SFR1: variants seen among roughly 807,000 people sequenced by gnomAD.
SFR1 encodes swi5-dependent recombination DNA repair protein 1 homolog.
A neutral mutation model predicts 26.2 loss-of-function variants in SFR1; 24 were observed. The ratio of observed to expected loss-of-function variants is 0.92; its 90% CI spans 0.66 to 1.29. The LOEUF (loss-of-function observed/expected upper bound fraction) is 1.29. Ranked by LOEUF, SFR1 falls within the 50% of genes most tolerant of loss-of-function variation. The pLI is 0.00. For synonymous variants in SFR1, 77 were observed against 96.6 expected, an observed-to-expected ratio of 0.80 and a Z score of 1.19; for missense variants, 276 against 270.2, an observed-to-expected ratio of 1.02 and a Z score of -0.15.
chr10:104,122,402 T>A, intron 1 of SFR1: 3 of 985,394 alleles, frequency 3.0e-6, no homozygotes, highest in Non-Finnish European at 3.6e-6. Flanking sequence ...AGTTAATGCC[T>A]TTGTCGGAGG....
At chr10:104,120,905 G>A (rs1447019064), upstream of SFR1, among the ~76,000 whole-genome samples, 4 of 152,158 alleles carry the variant, frequency 2.6e-5, no homozygotes. Context: ...ACTACTGTCA[G>A]ATGTTATTAA....
chr10:104,123,528 A>G (rs2086990825), intron 2 of SFR1, among the ~76,000 whole-genome samples, 186 bp from the exon 3 acceptor site: 1 of 152,116 alleles, frequency 6.6e-6, no homozygotes, highest in South Asian at 2.1e-4. Flanking sequence ...CTGAAGTAAA[A>G]AGGAAATAAA....
intron 1 of SFR1, 163 bp downstream of exon 1, chr10:104,122,359 G>T: frequency 2.0e-6 from 2 of 985,334 alleles, no homozygotes; most frequent in Non-Finnish European, 2.4e-6. Context: ...GGGGAAGGAG[G>T]GGACGACTCC....
upstream of SFR1, chr10:104,122,048 C>T (rs1367635289): frequency 5.5e-6 from 6 of 1,094,674 alleles, no homozygotes; most frequent in Non-Finnish European, 8.0e-6. Context: ...CGCTCTGAGT[C>T]GCTGAGTGAA....
At chr10:104,122,033 C>T (rs1589591443), upstream of SFR1, 2 of 925,256 alleles carry the variant, frequency 2.2e-6, no homozygotes, top group East Asian at 5.9e-5. Flanking sequence ...CGCGCGCAGT[C>T]CCACCGCTCT....
At chr10:104,123,637 A>C (rs1338777) in intron 2 of SFR1, 77 bp from the exon 3 acceptor site, 412,818 of 1,170,726 alleles carry the variant, frequency 0.35, 77,389 homozygotes, top group African/African-American at 0.69. Flanking sequence ...AAATGGAAGG[A>C]CTTTATTTCT....
At position 104,122,309 on chromosome 10, in the gene SFR1, G is replaced by A. The variant is rs947024427; in HGVS notation, c.13+113G>A. On this transcript the variant is annotated intron_variant, in intron 1 of 3. Transcript: ENST00000369727. ...TCTGGGGAACTCAACCTCACCTTATGCCTGGGGTCTCCGGGGAACTAGTGG... is the reference window on the plus strand; with the variant it reads ...TCTGGGGAACTCAACCTCACCTTATACCTGGGGTCTCCGGGGAACTAGTGG... The A allele has an allele frequency of 2.1e-5, 30 of 1,411,948 alleles. 1 individual carries two copies. In the Admixed American group the frequency reaches 9.4e-4, roughly 44 times the overall value. The allele number at this position is 1,411,948 out of a possible 1,614,324, so 87.5% of individuals were successfully genotyped here. A position where few individuals can be genotyped will look rare whatever the true frequency, so the allele number is the denominator to read the frequency against.
intron 3 of SFR1, 35 bp from the exon 4 acceptor site, chr10:104,125,478 A>G: frequency 3.9e-6 from 6 of 1,525,612 alleles, no homozygotes; most frequent in African/African-American, 1.4e-5. Flanking sequence ...TAGCATGACT[A>G]GTTATTGACA....
rs1364717375 is a variant in SFR1, at chr10:104,126,194, T to C, written c.*490T>C. ...TCATTTGGGCAGTTCTGGAAACTAG[T>C]TTTAATACATTTGTTTTTTATGACA... On this transcript the variant is annotated 3_prime_UTR_variant, in exon 4 of 4. Coordinates refer to ENST00000369727, the MANE Select transcript of SFR1 (RefSeq NM_001002759.2). 1 of 152,696 alleles carries C rather than the reference T, an allele frequency of 6.5e-6. No homozygotes were observed. Among genetic ancestry groups the C allele is most frequent in the East Asian group, 1.9e-4 (1 of 5,208 alleles). The allele number at this position is 152,696 out of a possible 1,614,324, so 9.5% of individuals were successfully genotyped here.
chr10:104,122,658 A>G, intron 1 of SFR1: 8 of 1,335,702 alleles, frequency 6.0e-6, no homozygotes, highest in Non-Finnish European at 7.7e-6. Flanking sequence ...GATTATCTAA[A>G]GCTGTTATTC....
chr10:104,123,163 G>T, intron 2 of SFR1, 77 bp downstream of exon 2: 1 of 1,161,292 alleles, frequency 8.6e-7, no homozygotes, highest in Non-Finnish European at 1.2e-6. Context: ...TAAATTCTAC[G>T]GAAGGTTGTT....
upstream of SFR1, among the ~76,000 whole-genome samples, chr10:104,120,794 T>G (rs960011371): frequency 5.3e-5 from 8 of 152,152 alleles, no homozygotes; most frequent in African/African-American, 1.9e-4. Context: ...GACTGTAACG[T>G]GTACGCCCCT....
chr10:104,122,012 T>C (rs2086967419), upstream of SFR1: 1 of 674,452 alleles, frequency 1.5e-6, no homozygotes, highest in South Asian at 1.7e-5. Context: ...AACCACCCGC[T>C]GGCGGAGGCG....
upstream of SFR1, chr10:104,121,915 G>A (rs2086966254): frequency 2.1e-6 from 1 of 478,774 alleles, no homozygotes; most frequent in Non-Finnish European, 3.7e-6. Flanking sequence ...GCTGCTCTCG[G>A]GCGCTGGGCG....
At chr10:104,121,189 A>G (rs753515612), upstream of SFR1, among the ~76,000 whole-genome samples, 6 of 151,870 alleles carry the variant, frequency 4.0e-5, no homozygotes, top group Admixed American at 6.6e-5. Context: ...TGAATTTTGG[A>G]CCGACACAAT....
intron 2 of SFR1, 80 bp from the exon 3 acceptor site, chr10:104,123,634 A>C: frequency 2.6e-6 from 3 of 1,132,298 alleles, no homozygotes; most frequent in African/African-American, 1.6e-5. Context: ...TAGAAATGGA[A>C]GGACTTTATT....
In SFR1 at chr10:104,125,764, G is replaced by T; in HGVS notation, c.*60G>T. 8.3e-7 allele frequency: 1 copy of T among 1,211,292 alleles called. No homozygotes were observed. Among genetic ancestry groups the T allele is most frequent in the South Asian group, 1.5e-5 (1 of 68,234 alleles). 75.0% of individuals were successfully genotyped at this position (1,211,292 alleles called of 1,614,324 possible). On this transcript the variant is annotated 3_prime_UTR_variant, in exon 4 of 4. Transcript: ENST00000369727. ...GACAACTTAATTAAAAGATACTTAG[G>T]CACTTTTTTTTTTTTTTTGAGACTG...
chr10:104,123,547 A>G (rs185084735), intron 2 of SFR1, among the ~76,000 whole-genome samples, 167 bp from the exon 3 acceptor site: 67 of 152,342 alleles, frequency 4.4e-4, no homozygotes, highest in African/African-American at 1.5e-3. Context: ...AAACAAATGG[A>G]GCTTCCAGAA....
upstream of SFR1, chr10:104,122,139 C>A: frequency 6.5e-7 from 1 of 1,546,618 alleles, no homozygotes; most frequent in African/African-American, 1.4e-5. Context: ...GCCACAGGAT[C>A]GATTTACGGC....
Sources: gnomAD v4.1 joint callset for allele counts (sites outside exome capture counted in the v4.1 genomes callset) on GRCh38, gnomAD v4.1.1 for gene constraint, MANE v1.5 for transcripts, NCBI Gene and HGNC (gene_info 2026-07-23, HGNC 2026-07-21) for gene names.